The following GRID2 variants were observed in gnomAD, a reference collection of about 807,000 sequenced individuals.
GRID2 encodes the protein glutamate ionotropic receptor delta type subunit 2, also known as glutamate receptor ionotropic, delta-2.
Under a neutral mutation model 114.8 loss-of-function variants are expected in GRID2, and 33 were observed. The ratio of observed to expected loss-of-function variants is 0.29; its 90% CI spans 0.22 to 0.38. The LOEUF is 0.38. Among genes scored for constraint, GRID2 ranks in the 10% least tolerant of loss-of-function variants. The probability of loss-of-function intolerance (pLI) is 1.00; values close to 1 mark genes in which losing one functional copy is unlikely to be tolerated. For synonymous variants in GRID2, 505 were observed against 449.9 expected (o/e 1.12, Z -1.55); for missense variants, 1,184 against 1,257.7 (o/e 0.94, Z 0.89).
intron 13 of GRID2, among the ~76,000 whole-genome samples, chr4:93,618,387 T>C (rs1021640627): frequency 6.6e-6 from 1 of 152,320 alleles, no homozygotes; most frequent in Admixed American, 6.5e-5. Flanking sequence ...CTCATGAGGA[T>C]TCAGGTCTAG....
chr4:92,663,036 C>T (rs1273270703), intron 2 of GRID2, among the ~76,000 whole-genome samples: 1 of 150,900 alleles, frequency 6.6e-6, no homozygotes, highest in African/African-American at 2.4e-5. Flanking sequence ...CAGTCAAACA[C>T]ACTGAGATTG....
exon 2 of GRID2, chr4:93,807,596 T>A (rs797016648): frequency 7.2e-5 from 11 of 152,298 alleles, no homozygotes; most frequent in African/African-American, 2.6e-4. Context: ...TAAACAAAGA[T>A]CACTTGGATC....
intron 2 of GRID2, among the ~76,000 whole-genome samples, chr4:92,914,919 C>G (rs762782857): frequency 9.2e-5 from 14 of 151,960 alleles, no homozygotes; most frequent in Admixed American, 2.6e-4. Flanking sequence ...ATTTATATTC[C>G]TTTGCATATG....
chr4:92,842,207 T>G (rs1742953488), intron 2 of GRID2, among the ~76,000 whole-genome samples: 1 of 152,130 alleles, frequency 6.6e-6, no homozygotes, highest in South Asian at 2.1e-4. Flanking sequence ...GTACACAATT[T>G]CTAAACCTGC....
chr4:93,335,314 A>G (rs1418025355), intron 8 of GRID2, among the ~76,000 whole-genome samples: 2 of 152,182 alleles, frequency 1.3e-5, no homozygotes, highest in African/African-American at 4.8e-5. Flanking sequence ...GTGAGAGGTA[A>G]TTGTGTCTTT....
intron 1 of GRID2, among the ~76,000 whole-genome samples, chr4:92,436,482 G>C (rs1732738725): frequency 1.3e-5 from 2 of 152,036 alleles, no homozygotes; most frequent in Non-Finnish European, 1.5e-5. Context: ...TTTATGAAAT[G>C]CTACTACTAT....
At chr4:93,076,610 C>CTTTT (rs56357327) in intron 2 of GRID2, among the ~76,000 whole-genome samples, 4 of 96,992 alleles carry the variant, frequency 4.1e-5, no homozygotes, top group East Asian at 3.2e-4. Flanking sequence ...TCACCAACCT[C>CTTTT]TTTTTTTTTT....
At chr4:92,409,119 CTTA>C (rs1228755889) in intron 1 of GRID2, among the ~76,000 whole-genome samples, 1 of 151,932 alleles carries the variant, frequency 6.6e-6, no homozygotes, top group East Asian at 1.9e-4. Context: ...ATATATGGCT[CTTA>C]TTATTTTGAA....
At chr4:92,537,088 C>G (rs957738528) in intron 1 of GRID2, among the ~76,000 whole-genome samples, 4 of 152,160 alleles carry the variant, frequency 2.6e-5, no homozygotes, top group African/African-American at 9.7e-5. Flanking sequence ...CACTCCTCCT[C>G]TTTATACCCT....
intron 2 of GRID2, among the ~76,000 whole-genome samples, chr4:92,991,468 A>G (rs1754901560): frequency 6.6e-6 from 1 of 152,244 alleles, no homozygotes; most frequent in Non-Finnish European, 1.5e-5. Flanking sequence ...ACACCATAGA[A>G]ATTAATAAAC....
intron 2 of GRID2, among the ~76,000 whole-genome samples, chr4:92,984,718 T>C (rs1754403333): frequency 6.6e-6 from 1 of 152,084 alleles, no homozygotes; most frequent in South Asian, 2.1e-4. Flanking sequence ...TTCTAGAATC[T>C]GACATTGCAC....
At chr4:92,743,504 A>G (rs1029647586) in intron 2 of GRID2, among the ~76,000 whole-genome samples, 7 of 152,196 alleles carry the variant, frequency 4.6e-5, no homozygotes, top group Non-Finnish European at 8.8e-5. Flanking sequence ...GTACATGAGG[A>G]AGAGGACAAG....
chr4:93,783,710 T>C (rs1269874344), intron 1 of GRID2, among the ~76,000 whole-genome samples: 1 of 152,162 alleles, frequency 6.6e-6, no homozygotes, highest in Admixed American at 6.5e-5. Context: ...TTTATGCTAA[T>C]GGTGGTGTTA....
At chr4:93,497,019 T>G (rs533319904) in intron 12 of GRID2, among the ~76,000 whole-genome samples, 1 of 151,860 alleles carries the variant, frequency 6.6e-6, no homozygotes, top group East Asian at 2.0e-4. Context: ...AGATCAAGGG[T>G]GTCTGCATCT....
intron 1 of GRID2, among the ~76,000 whole-genome samples, chr4:92,313,947 G>A (rs570039518): frequency 3.8e-4 from 58 of 152,070 alleles, no homozygotes; most frequent in Admixed American, 5.9e-4. Flanking sequence ...TTTACAGCTG[G>A]GCATTGGTAT....
intron 7 of GRID2, among the ~76,000 whole-genome samples, chr4:93,234,162 G>A (rs1473541290): frequency 2.6e-5 from 4 of 151,972 alleles, no homozygotes; most frequent in African/African-American, 9.7e-5. Context: ...TAAACTTTTT[G>A]TCATGGGGAT....
rs147268789 is a variant in GRID2, at chr4:93,171,292, G to A, written c.736-36112G>A. Among the ~76,000 whole-genome samples the A allele has an allele frequency of 4.2e-3, 635 of 152,118 alleles. 8 individuals carry two copies. The highest frequency in any genetic ancestry group is 0.015 in the African/African-American group (612 of 41,500). ...TCTCAACTGTGTGGTCTTTCCTCCT[G>A]ACTTAAATGTTCTTCCCTGAGATGG... On this transcript the variant is annotated intron_variant, in intron 4 of 15. Transcript: ENST00000282020.
At chr4:93,292,580 A>C (rs1175006342) in intron 8 of GRID2, among the ~76,000 whole-genome samples, 1 of 152,214 alleles carries the variant, frequency 6.6e-6, no homozygotes, top group Non-Finnish European at 1.5e-5. Flanking sequence ...GCCAGCAACT[A>C]AATGAGTTTT....
intron 2 of GRID2, among the ~76,000 whole-genome samples, chr4:92,617,831 A>ATTTGGTCG (rs1730076200): frequency 6.6e-6 from 1 of 151,566 alleles, no homozygotes. Flanking sequence ...TATTGAGGTC[A>ATTTGGTCG]TTTGCCCTTT....
Sources: allele counts gnomAD v4.1 joint callset (sites outside exome capture counted in the v4.1 genomes callset), GRCh38; gene constraint gnomAD v4.1.1; transcripts MANE v1.5; gene names NCBI Gene and HGNC (gene_info 2026-07-23, HGNC 2026-07-21).